CORO2B: variants seen among roughly 807,000 people sequenced by gnomAD.
CORO2B encodes coronin 2B, also known as coronin-2B.
Under a neutral mutation model 58.8 loss-of-function variants are expected in CORO2B, and 26 were observed. That is an observed-to-expected ratio of 0.44 (90% CI 0.32 to 0.61). The LOEUF is 0.61. CORO2B is among the 20% of genes least tolerant of loss of function. The pLI is 0.04. For synonymous variants in CORO2B, 242 were observed against 253.8 expected (o/e 0.95, Z 0.44); for missense variants, 460 against 645.1 (o/e 0.71, Z 3.11).
intron 1 of CORO2B, among the ~76,000 whole-genome samples, chr15:68,634,741 A>G (rs895189637): frequency 6.6e-6 from 1 of 152,202 alleles, no homozygotes; most frequent in African/African-American, 2.4e-5. Context: ...ATTGTGATGC[A>G]CCTGCAAGTT....
rs920727806 is a variant in CORO2B at position 68,641,632 on chromosome 15, G to A, written c.16-3528G>A. 1.1e-5 allele frequency: 11 copies of A among 979,974 alleles called. No individual in the cohort carries two copies. In the African/African-American group the frequency reaches 1.8e-4, roughly 16 times the overall value. 60.7% of individuals were successfully genotyped at this position (979,974 alleles called of 1,614,324 possible). ...CGGGTGGGCTCAGGAGAGCCTATCA[G>A]GTCAGCATGTCCTGTGCTGGGCATA... On this transcript the variant is annotated intron_variant, in intron 1 of 11. Transcript: ENST00000261861.
chr15:68,720,675 C>T (rs1180418234), intron 11 of CORO2B, among the ~76,000 whole-genome samples: 3 of 152,168 alleles, frequency 2.0e-5, no homozygotes, highest in African/African-American at 2.4e-5. Context: ...CATAAGGCAG[C>T]TCACAACAGG....
intron 1 of CORO2B, chr15:68,631,880 T>G (rs1900841949): frequency 1.1e-6 from 1 of 929,272 alleles, no homozygotes; most frequent in Non-Finnish European, 1.3e-6. Flanking sequence ...GAGGTGCTCC[T>G]CGCAGTCAGT....
intron 2 of CORO2B, among the ~76,000 whole-genome samples, chr15:68,646,776 C>T (rs28455864): frequency 0.012 from 1,829 of 152,352 alleles, 38 homozygotes; most frequent in African/African-American, 0.042. Flanking sequence ...GTGAACCACA[C>T]AACATGTTAA....
chr15:68,714,013 A>G lies in CORO2B; in HGVS notation c.737A>G (p.Asn246Ser). 1.9e-6 allele frequency: 3 copies of G among 1,613,964 alleles called. No individual in the cohort carries two copies. Among genetic ancestry groups the G allele is most frequent in the Non-Finnish European group, 2.5e-6 (3 of 1,179,858 alleles). The change falls in exon 6 of 12, where the codon AAC becomes AGC. Residue 246 changes from asparagine to serine, a missense_variant. Transcript: ENST00000261861. ...RLLTTGVSRW[N>S]TRQIALWDQE... ...CTCACGACAGGGGTCTCCAGGTGGAACACAAGACAGATTGCCCTCTGGGAC... is the reference window on the plus strand; with the variant it reads ...CTCACGACAGGGGTCTCCAGGTGGAGCACAAGACAGATTGCCCTCTGGGAC...
At chr15:68,713,531 G>A (rs1396400103) in intron 5 of CORO2B, among the ~76,000 whole-genome samples, 1 of 152,146 alleles carries the variant, frequency 6.6e-6, no homozygotes, top group Non-Finnish European at 1.5e-5. Context: ...CCACATCAAG[G>A]TGTCAGCAGG....
intron 3 of CORO2B, among the ~76,000 whole-genome samples, chr15:68,701,632 C>T (rs1005090291): frequency 6.6e-6 from 1 of 151,708 alleles, no homozygotes; most frequent in Non-Finnish European, 1.5e-5. Context: ...ACTACAGGTG[C>T]GCGCCACCAT....
chr15:68,717,468 C>T (rs1234131732), intron 8 of CORO2B, among the ~76,000 whole-genome samples: 2 of 152,026 alleles, frequency 1.3e-5, no homozygotes, highest in Non-Finnish European at 2.9e-5. Flanking sequence ...CAGTGTGAAT[C>T]CAGATGTTTA....
intron 1 of CORO2B, among the ~76,000 whole-genome samples, chr15:68,615,210 G>A (rs1301705822): frequency 6.6e-6 from 1 of 152,110 alleles, no homozygotes; most frequent in African/African-American, 2.4e-5. Context: ...TCATTAACTG[G>A]GTCTCTCTGA....
At chr15:68,594,883 C>G (rs1367949208) in intron 1 of CORO2B, among the ~76,000 whole-genome samples, 3 of 152,200 alleles carry the variant, frequency 2.0e-5, no homozygotes, top group African/African-American at 7.2e-5. Flanking sequence ...AAATCTCAGC[C>G]TTGGTTCTAC....
intron 2 of CORO2B, among the ~76,000 whole-genome samples, chr15:68,668,122 G>C (rs1207762148): frequency 6.6e-6 from 1 of 152,238 alleles, no homozygotes; most frequent in Non-Finnish European, 1.5e-5. Context: ...AAGTCGCACA[G>C]CTGGGAAGTG....
At chr15:68,582,742 T>C (rs1314466685) in intron 1 of CORO2B, among the ~76,000 whole-genome samples, 1 of 152,214 alleles carries the variant, frequency 6.6e-6, no homozygotes, top group East Asian at 1.9e-4. Flanking sequence ...AGAGGCCCTT[T>C]AGGGTGATTT....
rs568751216 is a variant in CORO2B, at chr15:68,719,245, G to T, written c.1171+11G>T. 4.9e-5 allele frequency: 79 copies of T among 1,612,634 alleles called. No homozygotes were observed. In the South Asian group the frequency reaches 7.9e-4, roughly 16 times the overall value. On this transcript the variant is annotated intron_variant, in intron 10 of 11. Transcript: ENST00000261861. ...GAGGCATCAACCGAGGTACCACAGC[G>T]GGGGGCTCCACAGAGCACAGGCGGC...
At chr15:68,546,474 C>T in the CORO2B span, among the ~76,000 whole-genome samples, 1 of 152,174 alleles carries the variant, frequency 6.6e-6, no homozygotes, top group Non-Finnish European at 1.5e-5. Flanking sequence ...CCACCTCCAG[C>T]CCAGACTACC....
intron 1 of CORO2B, among the ~76,000 whole-genome samples, chr15:68,634,059 C>G (rs1269151281): frequency 6.6e-6 from 1 of 152,224 alleles, no homozygotes; most frequent in African/African-American, 2.4e-5. Context: ...ATCTCCCCGG[C>G]TCAGCCTTTG....
chr15:68,720,299 C>T (rs1177538440), intron 11 of CORO2B, among the ~76,000 whole-genome samples: 1 of 152,156 alleles, frequency 6.6e-6, no homozygotes, highest in Admixed American at 6.5e-5. Flanking sequence ...AAGCTGTGAG[C>T]ATTAAAGAGA....
At chr15:68,626,866 G>A (rs1900696022) in intron 1 of CORO2B, among the ~76,000 whole-genome samples, 2 of 152,318 alleles carry the variant, frequency 1.3e-5, no homozygotes, top group South Asian at 4.1e-4. Context: ...GCACCTCTCT[G>A]TGTCAGTTTC....
intron 2 of CORO2B, among the ~76,000 whole-genome samples, chr15:68,657,891 C>G (rs972260774): frequency 6.6e-6 from 1 of 152,126 alleles, no homozygotes; most frequent in Non-Finnish European, 1.5e-5. Flanking sequence ...AGATTAAAGA[C>G]CTTGGAAATA....
At position 68,685,714 on chromosome 15, in the gene CORO2B, G is replaced by C. The variant is rs563699030; in HGVS notation, c.217-9426G>C. On this transcript the variant is annotated intron_variant, in intron 2 of 11. Transcript: ENST00000261861. ...CGGGAAACCCATTAAAAATACCAAT[G>C]CCTGGCTCCTGCCTCTCAGATATTG... Among the ~76,000 whole-genome samples, 19 of 152,300 alleles carry C rather than the reference G, an allele frequency of 1.2e-4. No homozygotes were observed. The East Asian group carries it at 3.7e-3, about 29-fold the overall frequency.
Sources: gnomAD v4.1 joint callset for allele counts (sites outside exome capture counted in the v4.1 genomes callset) on GRCh38, gnomAD v4.1.1 for gene constraint, MANE v1.5 for transcripts, NCBI Gene and HGNC (gene_info 2026-07-23, HGNC 2026-07-21) for gene names.